Variants in ACSL6 observed in about 807,000 individuals in gnomAD.
ACSL6 encodes the protein long-chain-fatty-acid--CoA ligase 6.
In ACSL6, 47 loss-of-function variants were observed where a neutral mutation model predicts 98.2. The ratio of observed to expected loss-of-function variants is 0.48; its 90% CI spans 0.38 to 0.61. The LOEUF is 0.61. Ranked by LOEUF, ACSL6 falls within the 20% of genes least tolerant of loss-of-function variation. The pLI, the probability that ACSL6 is intolerant of heterozygous loss-of-function variation, is 0.00. For synonymous variants in ACSL6, 362 were observed against 336.9 expected, an observed-to-expected ratio of 1.07 and a Z score of -0.82; for missense variants, 761 against 913.4, an observed-to-expected ratio of 0.83 and a Z score of 2.15.
Position 131,950,727 on chromosome 5 carries a change from T to C in ACSL6, c.*3507A>G, listed in dbSNP as rs1414773355. 5.2e-6 allele frequency: 1 copy of C among 192,214 alleles called. No individual in the cohort carries two copies. Among genetic ancestry groups the C allele is most frequent in the East Asian group, 8.3e-5 (1 of 12,072 alleles). 11.9% of individuals were successfully genotyped at this position (192,214 alleles called of 1,614,324 possible). On this transcript the variant is annotated 3_prime_UTR_variant, in exon 21 of 21. Coordinates refer to ENST00000651883, the MANE Select transcript of ACSL6 (RefSeq NM_001009185.3). ...TCATACATTTGGAAAATAAAGGATA[T>C]TTCATTTTCTTTACTGCAGAAAAAG...
At chr5:131,970,082 T>G in intron 15 of ACSL6, 46 bp downstream of exon 15, 2 of 1,578,824 alleles carry the variant, frequency 1.3e-6, no homozygotes, top group Non-Finnish European at 1.7e-6. Context: ...CTGCTTTTAC[T>G]CCACAGTGCC....
At chr5:131,957,855 A>T (rs1300357119) in intron 20 of ACSL6, among the ~76,000 whole-genome samples, 1 of 152,172 alleles carries the variant, frequency 6.6e-6, no homozygotes, top group African/African-American at 2.4e-5. Flanking sequence ...CACACTGGCT[A>T]TGGTAGGGAG....
At chr5:132,010,956 C>A (rs1755690071) in intron 1 of ACSL6, among the ~76,000 whole-genome samples, 1 of 152,116 alleles carries the variant, frequency 6.6e-6, no homozygotes, top group African/African-American at 2.4e-5. Flanking sequence ...GACACAGCAG[C>A]CCTGGGCAGA....
At chr5:132,001,714 T>C (rs1439626158) in intron 1 of ACSL6, 1 of 152,222 alleles carries the variant, frequency 6.6e-6, no homozygotes, top group Non-Finnish European at 1.5e-5. Flanking sequence ...CTGTTGCAAC[T>C]AGCCCAAGCT....
At chr5:131,994,404 C>G (rs754096005) in intron 1 of ACSL6, 153 bp from the exon 2 acceptor site, 1 of 645,510 alleles carries the variant, frequency 1.5e-6, no homozygotes, top group Middle Eastern at 4.2e-4. Context: ...AGCTGGCTAC[C>G]TAGAAGGGCT....
At chr5:131,986,688 G>A (rs1580671572) in intron 8 of ACSL6, 134 bp downstream of exon 8, 3 of 1,079,218 alleles carry the variant, frequency 2.8e-6, no homozygotes, top group South Asian at 2.7e-5. Context: ...ACACTCAAGT[G>A]GGCATTTCCT....
chr5:132,008,370 C>T (rs1755527803), intron 1 of ACSL6, among the ~76,000 whole-genome samples: 1 of 152,216 alleles, frequency 6.6e-6, no homozygotes, highest in African/African-American at 2.4e-5. Flanking sequence ...GCATGCCAAA[C>T]CATTCTTTAG....
chr5:131,999,019 G>A (rs547695789), intron 1 of ACSL6, among the ~76,000 whole-genome samples: 5 of 152,282 alleles, frequency 3.3e-5, no homozygotes, highest in East Asian at 1.9e-4. Context: ...CAAAACGGGT[G>A]GGGAAGCTCA....
chr5:131,994,232 C>T lies in ACSL6; in HGVS notation c.69G>A (p.Leu23=), dbSNP rs2126919150. The T allele has an allele frequency of 4.3e-6, 7 of 1,612,308 alleles. No homozygotes were observed. In the East Asian group the frequency reaches 1.6e-4, roughly 36 times the overall value. The change falls in exon 2 of 21, where the codon CTG becomes CTA. Residue 23 remains leucine, a synonymous_variant. Transcript: ENST00000651883. ...GGATCTCCTGTGTCTGCATCTTCTC[C>T]AGAAGTGAGAGGACAAACTCTGTTG... ...WLFVEFVLSL[L]EKMQTQEILR...
intron 15 of ACSL6, chr5:131,968,306 G>A (rs1753126771): frequency 3.1e-6 from 1 of 320,410 alleles, no homozygotes; most frequent in Non-Finnish European, 5.8e-6. Context: ...ACAGGGTCCT[G>A]GGTAGGGTAG....
intron 1 of ACSL6, among the ~76,000 whole-genome samples, chr5:132,010,657 C>G (rs1452056046): frequency 6.6e-6 from 1 of 152,194 alleles, no homozygotes; most frequent in Non-Finnish European, 1.5e-5. Flanking sequence ...AAGCACTGCA[C>G]ACAAATTATC....
At chr5:131,977,067 C>A (rs1753661775) in intron 9 of ACSL6, among the ~76,000 whole-genome samples, 2 of 152,288 alleles carry the variant, frequency 1.3e-5, no homozygotes, top group African/African-American at 2.4e-5. Flanking sequence ...AGTCCCCTTA[C>A]ATATAGCAAG....
At chr5:131,990,222 G>A in intron 3 of ACSL6, 58 bp from the exon 4 acceptor site, 1 of 1,562,162 alleles carries the variant, frequency 6.4e-7, no homozygotes, top group Non-Finnish European at 8.8e-7. Flanking sequence ...TGTGCCACCT[G>A]CATCCGCCCA....
intron 9 of ACSL6, among the ~76,000 whole-genome samples, chr5:131,978,182 G>A (rs961208352): frequency 2.0e-5 from 3 of 152,226 alleles, no homozygotes; most frequent in Non-Finnish European, 4.4e-5. Flanking sequence ...ATGGTGGGGT[G>A]CAAGAAATCT....
At chr5:132,005,856 G>A (rs1755380359) in intron 1 of ACSL6, among the ~76,000 whole-genome samples, 1 of 152,152 alleles carries the variant, frequency 6.6e-6, no homozygotes, top group Non-Finnish European at 1.5e-5. Flanking sequence ...CTGGTCAATA[G>A]GGTCTGTCCC....
intron 2 of ACSL6, among the ~76,000 whole-genome samples, chr5:131,992,721 T>C (rs1754591741): frequency 6.6e-6 from 1 of 152,130 alleles, no homozygotes; most frequent in African/African-American, 2.4e-5. Context: ...AAACTGGCCA[T>C]GTCTCTCCCT....
chr5:131,991,045 C>T, intron 2 of ACSL6, 78 bp from the exon 3 acceptor site: 1 of 1,244,212 alleles, frequency 8.0e-7, no homozygotes. Flanking sequence ...ATGCACAAGG[C>T]TGTACCCAGC....
At chr5:132,000,527 T>TC (rs1755030351) in intron 1 of ACSL6, among the ~76,000 whole-genome samples, 2 of 152,014 alleles carry the variant, frequency 1.3e-5, no homozygotes, top group Non-Finnish European at 2.9e-5. Flanking sequence ...TGTGGGTGGC[T>TC]ACTTCCATAG....
chr5:131,975,051 G>A (rs370688), intron 10 of ACSL6, 81 bp from the exon 11 acceptor site: 51,260 of 1,531,412 alleles, frequency 0.033, 1,090 homozygotes, highest in Non-Finnish European at 0.038. Flanking sequence ...ACAATAAAGA[G>A]AAAATGGTCC....
Sources: gnomAD v4.1 joint callset for allele counts (sites outside exome capture counted in the v4.1 genomes callset) on GRCh38, gnomAD v4.1.1 for gene constraint, MANE v1.5 for transcripts, NCBI Gene and HGNC (gene_info 2026-07-23, HGNC 2026-07-21) for gene names.